Variants in SBF2 observed in about 807,000 individuals in gnomAD.
SBF2 encodes the protein SET binding factor 2.
A neutral mutation model predicts 225.2 loss-of-function variants in SBF2; 112 were observed. That is an observed-to-expected ratio of 0.50 (90% CI 0.43 to 0.58). The LOEUF (loss-of-function observed/expected upper bound fraction) is 0.58, where lower values mean the gene tolerates loss of function less well. SBF2 is among the 20% of genes least tolerant of loss of function. SBF2 has a pLI of 0.00. For synonymous variants in SBF2, 763 were observed against 773.3 expected, an observed-to-expected ratio of 0.99 and a Z score of 0.22; for missense variants, 1,996 against 2,206.2, an observed-to-expected ratio of 0.90 and a Z score of 1.91.
chr11:10,111,792 G>A (rs1205801228), intron 2 of SBF2, among the ~76,000 whole-genome samples: 2 of 152,192 alleles, frequency 1.3e-5, no homozygotes, highest in Admixed American at 1.3e-4. Flanking sequence ...CAGGAGAATC[G>A]CTTGAACCCG....
intron 7 of SBF2, among the ~76,000 whole-genome samples, chr11:10,002,144 T>G (rs571600367): frequency 1.7e-4 from 26 of 152,300 alleles, no homozygotes; most frequent in African/African-American, 6.3e-4. Flanking sequence ...TACTGTATTA[T>G]TCTCAAGCAA....
intron 9 of SBF2, among the ~76,000 whole-genome samples, chr11:9,994,776 C>G (rs1407770165): frequency 7.2e-5 from 11 of 152,044 alleles, no homozygotes; most frequent in African/African-American, 2.7e-4. Flanking sequence ...GTGGCTCACG[C>G]CTGTAATCCC....
At chr11:10,063,579 G>A (rs998083998) in intron 2 of SBF2, among the ~76,000 whole-genome samples, 6 of 151,364 alleles carry the variant, frequency 4.0e-5, no homozygotes, top group Admixed American at 2.0e-4. Context: ...GGATGGTCTC[G>A]ATCTCCTGAC....
intron 1 of SBF2, among the ~76,000 whole-genome samples, chr11:10,274,517 G>A (rs1962796610): frequency 6.6e-6 from 1 of 152,224 alleles, no homozygotes; most frequent in African/African-American, 2.4e-5. Flanking sequence ...TTGGGAGGCC[G>A]AGGCAGACGG....
At chr11:9,791,654 T>C (rs1852749691) in intron 33 of SBF2, among the ~76,000 whole-genome samples, 1 of 152,214 alleles carries the variant, frequency 6.6e-6, no homozygotes, top group Admixed American at 6.5e-5. Context: ...CCCGAGATAT[T>C]AGTTATTTTA....
intron 2 of SBF2, among the ~76,000 whole-genome samples, chr11:10,122,613 G>T (rs1368371636): frequency 6.6e-6 from 1 of 152,172 alleles, no homozygotes; most frequent in African/African-American, 2.4e-5. Flanking sequence ...TTTATTAAAA[G>T]GCACTTGATT....
chr11:10,237,433 G>A (rs1343178850), intron 1 of SBF2, among the ~76,000 whole-genome samples: 3 of 150,876 alleles, frequency 2.0e-5, no homozygotes, highest in African/African-American at 7.3e-5. Flanking sequence ...ACCATACACT[G>A]AAGGCTACCC....
At chr11:10,012,661 AT>A (rs554589852) in intron 6 of SBF2, among the ~76,000 whole-genome samples, 337 of 151,250 alleles carry the variant, frequency 2.2e-3, no homozygotes, top group African/African-American at 7.5e-3. Context: ...AGTTAATACT[AT>A]TTTTTTTTCC....
chr11:9,808,635 C>T (rs532556034), intron 31 of SBF2: 87 of 432,696 alleles, frequency 2.0e-4, no homozygotes, highest in African/African-American at 1.5e-3. Flanking sequence ...ACGCCTCACA[C>T]TGCTGGTCAA....
intron 1 of SBF2, among the ~76,000 whole-genome samples, chr11:10,246,223 A>G (rs1959777816): frequency 6.6e-6 from 1 of 152,232 alleles, no homozygotes; most frequent in Non-Finnish European, 1.5e-5. Context: ...TAAAAGGTGT[A>G]TACTTATTGC....
intron 2 of SBF2, among the ~76,000 whole-genome samples, chr11:10,101,818 C>T (rs1014543770): frequency 6.6e-6 from 1 of 152,004 alleles, no homozygotes; most frequent in Non-Finnish European, 1.5e-5. Flanking sequence ...CTTTCAGTGT[C>T]GTTCTGTAAT....
At chr11:9,782,216 T>C (rs980932290) in intron 38 of SBF2, among the ~76,000 whole-genome samples, 6 of 147,660 alleles carry the variant, frequency 4.1e-5, no homozygotes, top group African/African-American at 1.2e-4. Context: ...GTAACAACTG[T>C]AAAAAGTATA....
At chr11:9,832,130 G>C (rs1199502517) in intron 27 of SBF2, 94 bp downstream of exon 27, 1 of 1,094,954 alleles carries the variant, frequency 9.1e-7, no homozygotes, top group African/African-American at 1.5e-5. Context: ...GACAAGACTT[G>C]ATGAAAAGGC....
At position 10,163,563 on chromosome 11, in the gene SBF2, A is replaced by T. The variant is rs1367513617; in HGVS notation, c.141+30339T>A. ...CATTTTAAGCACTTGATGTGTATTA[A>T]GTAATTTGATCCATATATCTCTCCC... is the stretch of plus-strand genomic sequence containing the variant. On this transcript the variant is annotated intron_variant, in intron 2 of 39. Transcript: ENST00000256190. Among the ~76,000 whole-genome samples the T allele has an allele frequency of 2.0e-5, 3 of 152,182 alleles. No homozygotes were observed. In the East Asian group the frequency reaches 5.8e-4, roughly 29 times the overall value.
intron 2 of SBF2, among the ~76,000 whole-genome samples, chr11:10,088,416 C>A (rs1377884584): frequency 6.6e-6 from 1 of 152,154 alleles, no homozygotes; most frequent in African/African-American, 2.4e-5. Flanking sequence ...GTGTCTTCAT[C>A]TGTTTATTAT....
intron 2 of SBF2, among the ~76,000 whole-genome samples, chr11:10,066,059 A>T (rs1216353317): frequency 6.6e-6 from 1 of 152,146 alleles, no homozygotes; most frequent in Non-Finnish European, 1.5e-5. Context: ...CTATAGTTAA[A>T]AAACTTTCCA....
intron 1 of SBF2, among the ~76,000 whole-genome samples, chr11:10,284,432 CT>C (rs1489912752): frequency 3.3e-5 from 5 of 152,114 alleles, no homozygotes; most frequent in African/African-American, 1.2e-4. Context: ...TTTTTTATAG[CT>C]TTTTCCCCCA....
At chr11:9,788,466 CCCACAGAAG>C (rs1248681495) in intron 35 of SBF2, among the ~76,000 whole-genome samples, 1 of 152,214 alleles carries the variant, frequency 6.6e-6, no homozygotes, top group Non-Finnish European at 1.5e-5. Flanking sequence ...AAGTAAAGCA[CCCACAGAAG>C]CCACAGCCAA....
intron 6 of SBF2, among the ~76,000 whole-genome samples, chr11:10,021,044 A>G (rs1948837459): frequency 6.6e-6 from 1 of 152,200 alleles, no homozygotes; most frequent in South Asian, 2.1e-4. Context: ...AAAAGGTACA[A>G]ACACAAATGA....
Sources: allele counts gnomAD v4.1 joint callset (sites outside exome capture counted in the v4.1 genomes callset), GRCh38; gene constraint gnomAD v4.1.1; transcripts MANE v1.5; gene names NCBI Gene and HGNC (gene_info 2026-07-23, HGNC 2026-07-21).